Variants in EPPK1 observed in about 807,000 individuals in gnomAD.
EPPK1 encodes epiplakin 1.
For missense variants in EPPK1, 3,823 were observed against 3,673.3 expected (o/e 1.04, Z -1.05); for synonymous variants, 1,862 against 1,721.2 (o/e 1.08, Z -2.03).
At position 143,857,997 on chromosome 8, in the gene EPPK1, G is replaced by A; in HGVS notation, c.15257C>T (p.Ser5086Phe). The A allele has an allele frequency of 1.2e-6, 2 of 1,603,230 alleles. No homozygotes were observed. Among genetic ancestry groups the A allele is most frequent in the South Asian group, 2.2e-5 (2 of 90,358 alleles). The change falls in exon 2 of 2, where the codon TCT becomes TTT. Residue 5086 changes from serine (S) to phenylalanine (F), a missense_variant. Transcript: ENST00000615648. ...PETGLLFLSL[S>F]LQ ...ACGGAGGAAGCCCAGTCACTGTAGA[G>A]AGAGAGAAAGAAATAGGAGCCCCGT...
intron 1 of EPPK1, among the ~76,000 whole-genome samples, chr8:143,876,971 G>A (rs974991003): frequency 2.0e-5 from 3 of 152,250 alleles, no homozygotes; most frequent in African/African-American, 4.8e-5. Flanking sequence ...GACAGGCCGC[G>A]TGCTAAGCGG....
In EPPK1 at chr8:143,870,295, C is replaced by T. The variant is rs375057041; in HGVS notation, c.2959G>A (p.Ala987Thr). The stretch of plus-strand genomic sequence containing the variant: ...GGCCCCACCACACCCCTGCGCACGG[C>T]CTCATCCACCGAGAGGCTCTCTGGG... ...HSPESLSVDEAVRRGVVGPEL... is the reference protein window; with the variant it reads ...HSPESLSVDETVRRGVVGPEL... Residue 987 changes from alanine to threonine, a missense_variant, in exon 2 of 2, where the codon GCC becomes ACC. By Grantham distance (58) the Ala-to-Thr change is moderately conservative. Transcript: ENST00000615648. This position sits in a 1 kb window ranked among gnomAD's most constrained non-coding sequence, Gnocchi z 5.2. The T allele has an allele frequency of 6.3e-7, 1 of 1,582,038 alleles. No individual in the cohort carries two copies. Among genetic ancestry groups the T allele is most frequent in the African/African-American group, 1.3e-5 (1 of 74,414 alleles).
Position 143,868,530 on chromosome 8 carries a change from C to G in EPPK1, c.4724G>C (p.Gly1575Ala), listed in dbSNP as rs1554659979. ...CTCCTGGGTGCCCTGGATAAGGACC[C>G]CGGCAATGAAGTTGCCTCCCTCCAG... ...RSLEGGNFIAGVLIQGTQERM... is the reference protein window; with the variant it reads ...RSLEGGNFIAAVLIQGTQERM... Residue 1575 changes from glycine (G) to alanine (A), a missense_variant, in exon 2 of 2, where the codon GGG becomes GCG. Physicochemically the swap from Gly to Ala is moderately conservative, Grantham distance 60 (BLOSUM62 0). Coordinates refer to ENST00000615648, the MANE Select transcript of EPPK1 (RefSeq NM_031308.4). The G allele has an allele frequency of 1.2e-6, 2 of 1,606,814 alleles. No homozygotes were observed. Among genetic ancestry groups the G allele is most frequent in the Admixed American group, 3.4e-5 (2 of 59,146 alleles).
chr8:143,866,263 C>G lies in EPPK1; in HGVS notation c.6991G>C (p.Val2331Leu). The G allele has an allele frequency of 1.2e-5, 6 of 485,246 alleles. No homozygotes were observed. In the Admixed American group the frequency reaches 1.4e-4, roughly 11 times the overall value. 30.1% of individuals were successfully genotyped at this position (485,246 alleles called of 1,614,324 possible). A position where few individuals can be genotyped will look rare whatever the true frequency, so the allele number is the denominator to read the frequency against. The change falls in exon 2 of 2, where the codon GTC becomes CTC. Residue 2331 changes from valine to leucine, a missense_variant. By Grantham distance (32) the Val-to-Leu change is conservative. Coordinates refer to ENST00000615648, the MANE Select transcript of EPPK1 (RefSeq NM_031308.4). ...LFQAMQKDLI[V>L]REHGIRLLEA... ...AGCAGGCGGATGCCGTGCTCCCGGA[C>G]GATGAGGTCCTTCTGCATGGCCTGG...
At chr8:143,877,094 CGT>C (rs1819496536) in intron 1 of EPPK1, among the ~76,000 whole-genome samples, 1 of 152,262 alleles carries the variant, frequency 6.6e-6, no homozygotes, top group Non-Finnish European at 1.5e-5. Context: ...GCTTGCCCTG[CGT>C]GTGTGAGTGT....
rs1554659842 is a variant in EPPK1, at chr8:143,868,257, G to A, written c.4997C>T (p.Ala1666Val). 6.2e-7 allele frequency: 1 copy of A among 1,613,246 alleles called. No homozygotes were observed. Among genetic ancestry groups the A allele is most frequent in the Non-Finnish European group, 8.5e-7 (1 of 1,180,040 alleles). ...YTGQQISLFQAMQKDLIVREH... is the reference protein window; with the variant it reads ...YTGQQISLFQVMQKDLIVREH... ...CCGGACGATGAGGTCCTTCTGCATG[G>A]CCTGGAAGAGGGAGATCTGCTGCCC... Residue 1666 changes from alanine (A) to valine (V), a missense_variant, in exon 2 of 2, where the codon GCC becomes GTC. Transcript: ENST00000615648.
intron 1 of EPPK1, 27 bp from the exon 2 acceptor site, chr8:143,873,325 G>C: frequency 7.1e-7 from 1 of 1,417,132 alleles, no homozygotes; most frequent in Non-Finnish European, 9.2e-7. Context: ...GGCTCAATCA[G>C]GGACCCCGCA....
rs1563887960 is a variant in EPPK1 at position 143,872,164 on chromosome 8, T to TCACG, written c.1086_1089dup (p.Thr364ArgfsTer64). 1 of 1,587,876 alleles carries TCACG rather than the reference T, an allele frequency of 6.3e-7. No individual in the cohort carries two copies. Among genetic ancestry groups the TCACG allele is most frequent in the Non-Finnish European group, 8.6e-7 (1 of 1,167,736 alleles). On this transcript the variant is annotated frameshift_variant, in exon 2 of 2. Coordinates refer to ENST00000615648, the MANE Select transcript of EPPK1 (RefSeq NM_031308.4). LOFTEE classifies it low-confidence loss of function (END_TRUNC). ...CCACTGAAGGGGTCGTGGTGCCCTG[T>TCACG]CACGGCCTGCTCGGCCACCAGGAGC...
chr8:143,870,600 C>A lies in EPPK1; in HGVS notation c.2654G>T (p.Ser885Ile). Residue 885 changes from serine (S) to isoleucine (I), a missense_variant, in exon 2 of 2, where the codon AGC becomes ATC. Transcript: ENST00000615648. The surrounding 1 kb of genome is among the most constrained non-coding windows in gnomAD (Gnocchi z 5.2). The stretch of plus-strand genomic sequence containing the variant: ...CAGGAGCTGGTGGACGGTGACCCGG[C>A]TCCGCAGTGCGGGCAGCATGATGTC... ...QADIMLPALR[S>I]RVTVHQLLEA... The A allele has an allele frequency of 6.2e-7, 1 of 1,607,954 alleles. No homozygotes were observed. The highest frequency in any genetic ancestry group is 1.1e-5 in the South Asian group (1 of 90,198).
rs782159472 is a variant in EPPK1, at chr8:143,869,424, T to C, written c.3830A>G (p.Gln1277Arg). Residue 1277 changes from glutamine (Q) to arginine (R), a missense_variant, in exon 2 of 2, where the codon CAG becomes CGG. Coordinates refer to ENST00000615648, the MANE Select transcript of EPPK1 (RefSeq NM_031308.4). ...TGCCACCTGGGCTTCCAGCAGCCTC[T>C]GGCCCAGGCCTGTGGGCAGGAGGCC... ...RDGLLPTGLG[Q>R]RLLEAQVASG... The C allele has an allele frequency of 6.2e-7, 1 of 1,600,344 alleles. No individual in the cohort carries two copies. The highest frequency in any genetic ancestry group is 8.5e-7 in the Non-Finnish European group (1 of 1,175,548).
At position 143,869,249 on chromosome 8, in the gene EPPK1, G is replaced by C; in HGVS notation, c.4005C>G (p.Ser1335=). 6.2e-7 allele frequency: 1 copy of C among 1,610,336 alleles called. No individual in the cohort carries two copies. The highest frequency in any genetic ancestry group is 1.1e-5 in the South Asian group (1 of 90,914). ...TCTCCATGGCCTGCCACAGAGAGAG[G>C]GAGGCCCTAGAGTAGGGATCTGGGT... The part of the protein sequence containing the change: ...AGYPDPYSRA[S]LSLWQAMEKG... The change falls in exon 2 of 2, where the codon TCC becomes TCG. Residue 1335 remains serine (S), a synonymous_variant. Transcript: ENST00000615648.
In EPPK1 at chr8:143,877,477, G is replaced by A. The variant is rs542901515; in HGVS notation, c.-46+961C>T. Reference sequence around the variant, plus strand: ...GCCTGAGGCACAAAGGGCCCCTCCTGTGGATTCCCCACTTCAGGTGGCCCC... The same window carrying A: ...GCCTGAGGCACAAAGGGCCCCTCCTATGGATTCCCCACTTCAGGTGGCCCC... On this transcript the variant is annotated intron_variant, in intron 1 of 1. Coordinates refer to ENST00000615648, the MANE Select transcript of EPPK1 (RefSeq NM_031308.4). Among the ~76,000 whole-genome samples the A allele has an allele frequency of 1.5e-3, 228 of 152,312 alleles. 1 individual carries two copies. Among genetic ancestry groups the A allele is most frequent in the African/African-American group, 5.2e-3 (218 of 41,560 alleles).
At position 143,871,171 on chromosome 8, in the gene EPPK1, A is replaced by T. The variant is rs782149425; in HGVS notation, c.2083T>A (p.Tyr695Asn). 1 of 1,613,162 alleles carries T rather than the reference A, an allele frequency of 6.2e-7. No individual in the cohort carries two copies. The highest frequency in any genetic ancestry group is 2.2e-5 in the East Asian group (1 of 44,874). Residue 695 changes from tyrosine (Y) to asparagine (N), a missense_variant, in exon 2 of 2, where the codon TAC becomes AAC. By Grantham distance (143) the Tyr-to-Asn change is moderately radical (BLOSUM62 -2). Coordinates refer to ENST00000615648, the MANE Select transcript of EPPK1 (RefSeq NM_031308.4). ...AAGAGGGAGATCTGCTGCCCGGTGT[A>T]GGGGTCAGTGTAGCCAGTGACAGCG... ...ERAVTGYTDP[Y>N]TGQQISLFQA...
rs372872054 is a variant in EPPK1, at chr8:143,869,084, G to A, written c.4170C>T (p.Ser1390=). The A allele has an allele frequency of 6.2e-7, 1 of 1,607,640 alleles. No individual in the cohort carries two copies. Among genetic ancestry groups the A allele is most frequent in the Non-Finnish European group, 8.5e-7 (1 of 1,179,804 alleles). The change falls in exon 2 of 2, where the codon AGC becomes AGT. Residue 1390 remains serine, a synonymous_variant. Coordinates refer to ENST00000615648, the MANE Select transcript of EPPK1 (RefSeq NM_031308.4). ...CCTTGTCAACTGCAGTCAGCACCTGGCTCGTCTGTGTGTCCAGAAGGCCGA... is the reference window on the plus strand; with the variant it reads ...CCTTGTCAACTGCAGTCAGCACCTGACTCGTCTGTGTGTCCAGAAGGCCGA... ...CRLGLLDTQT[S]QVLTAVDKDN... is the part of the protein sequence containing the mutation.
At chr8:143,875,736 C>T (rs1563890683) in intron 1 of EPPK1, among the ~76,000 whole-genome samples, 1 of 152,264 alleles carries the variant, frequency 6.6e-6, no homozygotes, top group Non-Finnish European at 1.5e-5. Flanking sequence ...CACAGTCTGC[C>T]CCAGCCAAAA....
In EPPK1 at chr8:143,872,777, G is replaced by T; in HGVS notation, c.477C>A (p.Gly159=). ...GCACTCCCTGGGCGGGGTCCACCAG[G>T]CCCCCAGTGGCCAGTTGGACCTCCA... ...SWLEVQLATG[G]LVDPAQGVLV... is the part of the protein sequence containing the mutation. The change falls in exon 2 of 2, where the codon GGC becomes GGA. Residue 159 remains glycine, a synonymous_variant. Coordinates refer to ENST00000615648, the MANE Select transcript of EPPK1 (RefSeq NM_031308.4). The T allele has an allele frequency of 6.3e-7, 1 of 1,577,894 alleles. No homozygotes were observed. The highest frequency in any genetic ancestry group is 2.3e-5 in the East Asian group (1 of 44,326).
rs1819406781 is a variant in EPPK1 at position 143,872,974 on chromosome 8, G to A, written c.280C>T (p.Pro94Ser). 1.3e-6 allele frequency: 2 copies of A among 1,592,120 alleles called. No homozygotes were observed. Among genetic ancestry groups the A allele is most frequent in the Middle Eastern group, 1.7e-4 (1 of 6,004 alleles). ...LVDLARGQLL[P>S]VSKALQQGLV... The stretch of plus-strand genomic sequence containing the variant: ...CCCTGCTGCAGGGCCTTGGACACAG[G>A]GAGCAGCTGGCCCCGGGCGAGGTCC... Residue 94 changes from proline to serine, a missense_variant, in exon 2 of 2, where the codon CCT becomes TCT. Pro to Ser is a moderately conservative substitution (Grantham distance 74). Transcript: ENST00000615648.
Position 143,867,539 on chromosome 8 carries a change from G to A in EPPK1, c.5715C>T (p.Pro1905=). ...GSGCIAGVTV[P]STREVMSLHE... ...GGAGGCTCATGACCTCCCTGGTGGA[G>A]GGCACCGTGACCCCCGCAATGCAGC... Residue 1905 remains proline (P), a synonymous_variant, in exon 2 of 2, where the codon CCC becomes CCT. Coordinates refer to ENST00000615648, the MANE Select transcript of EPPK1 (RefSeq NM_031308.4). The A allele has an allele frequency of 6.2e-7, 1 of 1,612,652 alleles. No individual in the cohort carries two copies. Among genetic ancestry groups the A allele is most frequent in the African/African-American group, 1.3e-5 (1 of 75,032 alleles).
rs782239162 is a variant in EPPK1, at chr8:143,867,544, C to T, written c.5710G>A (p.Val1904Met). 9.3e-6 allele frequency: 15 copies of T among 1,612,632 alleles called. No individual in the cohort carries two copies. The South Asian group carries it at 1.1e-4, about 12-fold the overall frequency. ...CTCATGACCTCCCTGGTGGAGGGCA[C>T]CGTGACCCCCGCAATGCAGCCGCTG... ...EGSGCIAGVT[V>M]PSTREVMSLH... is the part of the protein sequence containing the mutation. Residue 1904 changes from valine to methionine, a missense_variant, in exon 2 of 2, where the codon GTG becomes ATG. Transcript: ENST00000615648.
Sources: allele counts gnomAD v4.1 joint callset (sites outside exome capture counted in the v4.1 genomes callset), GRCh38; gene constraint gnomAD v4.1.1; non-coding constraint Gnocchi (gnomAD v3.1); transcripts MANE v1.5; gene names NCBI Gene and HGNC (gene_info 2026-07-23, HGNC 2026-07-21).